AP1M1: variants seen among roughly 807,000 people sequenced by gnomAD.
AP1M1 encodes adaptor related protein complex 1 subunit mu 1.
A neutral mutation model predicts 57.1 loss-of-function variants in AP1M1; 18 were observed. The observed-to-expected ratio is 0.32, with a 90% CI of 0.22 to 0.47. AP1M1 has a LOEUF of 0.47. Ranked by LOEUF, AP1M1 falls within the 20% of genes least tolerant of loss-of-function variation. The probability of loss-of-function intolerance (pLI) is 1.00; values close to 1 mark genes in which losing one functional copy is unlikely to be tolerated. For missense variants in AP1M1, 362 were observed against 593.5 expected (o/e 0.61, Z 4.05); for synonymous variants, 241 against 237.9 (o/e 1.01, Z -0.12).
chr19:16,233,137 G>A (rs1294717038), intron 9 of AP1M1, among the ~76,000 whole-genome samples: 2 of 152,198 alleles, frequency 1.3e-5, no homozygotes, highest in Non-Finnish European at 2.9e-5. Context: ...TCCCATGGCC[G>A]GTCTGTCTAG....
intron 5 of AP1M1, among the ~76,000 whole-genome samples, chr19:16,218,728 T>G (rs866223486): frequency 7.2e-5 from 11 of 152,174 alleles, no homozygotes; most frequent in Non-Finnish European, 4.4e-5. Context: ...CAGCTTCAAA[T>G]TAGGGTTCTC....
chr19:16,234,287 C>T lies in AP1M1; in HGVS notation c.1249+13C>T. The stretch of plus-strand genomic sequence containing the variant: ...ACGCAGAATGGAGGTGAGTGAGGCC[C>T]TACCCGTGGGGTGGGGTTGTACTGA... On this transcript the variant is annotated intron_variant, in intron 11 of 11. Transcript: ENST00000291439. 6.2e-7 allele frequency: 1 copy of T among 1,613,568 alleles called. No individual in the cohort carries two copies. Among genetic ancestry groups the T allele is most frequent in the Non-Finnish European group, 8.5e-7 (1 of 1,179,678 alleles).
Position 16,236,022 on chromosome 19 carries a change from A to G in AP1M1, c.*1587A>G, listed in dbSNP as rs888223741. 2 of 152,376 alleles carry G rather than the reference A, an allele frequency of 1.3e-5. No homozygotes were observed. Among genetic ancestry groups the G allele is most frequent in the South Asian group, 2.1e-4 (1 of 4,830 alleles). The allele number at this position is 152,376 out of a possible 1,614,324, so 9.4% of individuals were successfully genotyped here. The stretch of plus-strand genomic sequence containing the variant: ...ACGTAGGTCTTCCCCATCTCAGTCA[A>G]TGACGCTGCCCCAGCCCAGGCCTCA... On this transcript the variant is annotated 3_prime_UTR_variant, in exon 12 of 12. Coordinates refer to ENST00000291439, the MANE Select transcript of AP1M1 (RefSeq NM_032493.4).
At position 16,241,371 on chromosome 19, in the gene AP1M1, C is replaced by T. The variant is rs1234401102; in HGVS notation, c.*6936C>T. ...ATAACAGATTCCCCGAAAAAAGGAA[C>T]TTGTGTACATAAGGAAAGGAAGAAA... On this transcript the variant is annotated 3_prime_UTR_variant, in exon 12 of 12. Coordinates refer to ENST00000291439, the MANE Select transcript of AP1M1 (RefSeq NM_032493.4). 2 of 150,340 alleles carry T rather than the reference C, an allele frequency of 1.3e-5. No homozygotes were observed. Among genetic ancestry groups the T allele is most frequent in the Non-Finnish European group, 3.0e-5 (2 of 67,688 alleles). The allele number at this position is 150,340 out of a possible 1,614,324, so 9.3% of individuals were successfully genotyped here. A position where few individuals can be genotyped will look rare whatever the true frequency, so the allele number is the denominator to read the frequency against.
At chr19:16,215,672 G>A (rs540338752) in intron 5 of AP1M1, among the ~76,000 whole-genome samples, 21 of 151,984 alleles carry the variant, frequency 1.4e-4, no homozygotes, top group African/African-American at 5.1e-4. Flanking sequence ...GAAGTATTTT[G>A]CAGGGGTTCT....
At chr19:16,209,787 T>C (rs1241386106) in intron 5 of AP1M1, among the ~76,000 whole-genome samples, 1 of 152,164 alleles carries the variant, frequency 6.6e-6, no homozygotes, top group Non-Finnish European at 1.5e-5. Context: ...TTTTTGGTGG[T>C]GGTTGTTGTT....
chr19:16,202,194 G>A (rs187235120), intron 1 of AP1M1, among the ~76,000 whole-genome samples: 43 of 152,288 alleles, frequency 2.8e-4, no homozygotes, highest in African/African-American at 9.1e-4. Flanking sequence ...TAAAGGCAGC[G>A]TGTGATGAAA....
intron 9 of AP1M1, 115 bp downstream of exon 9, chr19:16,229,043 C>G: frequency 1.6e-6 from 2 of 1,265,824 alleles, no homozygotes; most frequent in Admixed American, 2.1e-5. Flanking sequence ...ACTGTGTCTT[C>G]CACACCTGGG....
chr19:16,208,382 C>A, intron 4 of AP1M1: 1 of 408,746 alleles, frequency 2.4e-6, no homozygotes, highest in South Asian at 3.9e-5. Context: ...ACTCTCCATC[C>A]ACACAGATGC....
chr19:16,201,157 CCT>C lies in AP1M1; in HGVS notation c.43-2301_43-2300del, dbSNP rs1294898699. ...TCCTCGCCTCCTTTGTCTCCTCACC[CCT>C]GTTTTCACTCCACAAATGTTTACTG... On this transcript the variant is annotated intron_variant, in intron 1 of 11. Coordinates refer to ENST00000291439, the MANE Select transcript of AP1M1 (RefSeq NM_032493.4). Among the ~76,000 whole-genome samples, 5 of 152,262 alleles carry C rather than the reference CCT, an allele frequency of 3.3e-5. No homozygotes were observed. In the East Asian group the frequency reaches 7.7e-4, roughly 24 times the overall value.
At chr19:16,222,211 A>T (rs2446363) in intron 5 of AP1M1, among the ~76,000 whole-genome samples, 72,979 of 124,490 alleles carry the variant, frequency 0.59, 20,846 homozygotes, top group Admixed American at 0.68. Flanking sequence ...TATTATTATT[A>T]TTTTTTTTTT....
Position 16,228,047 on chromosome 19 carries a change from G to T in AP1M1, c.817-90G>T, listed in dbSNP as rs2091578905. 4 of 1,331,870 alleles carry T rather than the reference G, an allele frequency of 3.0e-6. No individual in the cohort carries two copies. Among genetic ancestry groups the T allele is most frequent in the Admixed American group, 1.8e-5 (1 of 55,516 alleles). The allele number at this position is 1,331,870 out of a possible 1,614,324, so 82.5% of individuals were successfully genotyped here. On this transcript the variant is annotated intron_variant, in intron 7 of 11. Transcript: ENST00000291439. This position sits in a 1 kb window ranked among gnomAD's most constrained non-coding sequence, Gnocchi z 5.0. ...CTCTGGGCCCACACCTGGGCAGATGGTCCCTTGCCCTGGGCCTTGGTTTCC... is the reference window on the plus strand; with the variant it reads ...CTCTGGGCCCACACCTGGGCAGATGTTCCCTTGCCCTGGGCCTTGGTTTCC...
chr19:16,222,621 G>A (rs1467728842), intron 5 of AP1M1, among the ~76,000 whole-genome samples: 1 of 151,722 alleles, frequency 6.6e-6, no homozygotes, highest in South Asian at 2.1e-4. Context: ...TTTTGTTTTT[G>A]TTTTGAGACA....
At chr19:16,226,774 ACCC>A in intron 6 of AP1M1, 1 of 536,184 alleles carries the variant, frequency 1.9e-6, no homozygotes, top group South Asian at 3.1e-5. Flanking sequence ...GGCCCCCGTC[ACCC>A]GGCCTCACAC....
At chr19:16,204,618 T>C (rs1185848937) in intron 2 of AP1M1, among the ~76,000 whole-genome samples, 1 of 152,180 alleles carries the variant, frequency 6.6e-6, no homozygotes, top group Admixed American at 6.5e-5. Flanking sequence ...CGGGCCAGAA[T>C]ATCCGCTGGG....
intron 5 of AP1M1, among the ~76,000 whole-genome samples, chr19:16,226,076 T>TA (rs2091569876): frequency 6.6e-6 from 1 of 152,004 alleles, no homozygotes; most frequent in Non-Finnish European, 1.5e-5. Flanking sequence ...TGGTACCTGA[T>TA]AGAGAACCCT....
chr19:16,201,111 G>T (rs952719238), intron 1 of AP1M1, among the ~76,000 whole-genome samples: 4 of 152,154 alleles, frequency 2.6e-5, no homozygotes, highest in Non-Finnish European at 5.9e-5. Flanking sequence ...TCAGCCATCT[G>T]CACAAGAGAC....
chr19:16,218,557 G>A (rs12971922), intron 5 of AP1M1, among the ~76,000 whole-genome samples: 100,118 of 152,046 alleles, frequency 0.66, 35,218 homozygotes, highest in Non-Finnish European at 0.8. Context: ...CAGCCTCTAT[G>A]TCTTCCCTCC....
At chr19:16,204,738 C>T (rs749022947) in intron 2 of AP1M1, among the ~76,000 whole-genome samples, 5 of 152,152 alleles carry the variant, frequency 3.3e-5, no homozygotes, top group Non-Finnish European at 5.9e-5. Context: ...CCATGTGGGC[C>T]GTGCTGGCCC....
Sources: gnomAD v4.1 joint callset for allele counts (sites outside exome capture counted in the v4.1 genomes callset) on GRCh38, gnomAD v4.1.1 for gene constraint, Gnocchi (gnomAD v3.1) non-coding constraint, MANE v1.5 for transcripts, NCBI Gene and HGNC (gene_info 2026-07-23, HGNC 2026-07-21) for gene names.